CFAP299: variants seen among roughly 807,000 people sequenced by gnomAD.
The protein encoded by CFAP299 is cilia and flagella associated protein 299.
A neutral mutation model predicts 27.0 loss-of-function variants in CFAP299; 21 were observed. That is an observed-to-expected ratio of 0.78 (90% CI 0.55 to 1.12). CFAP299 has a LOEUF of 1.12. Among genes scored for constraint, CFAP299 ranks in the 50% most tolerant of loss-of-function variants. The pLI, the probability that CFAP299 is intolerant of heterozygous loss-of-function variation, is 0.00. For missense variants in CFAP299, 310 were observed against 276.6 expected, an observed-to-expected ratio of 1.12 and a Z score of -0.86; for synonymous variants, 104 against 98.1, an observed-to-expected ratio of 1.06 and a Z score of -0.36.
intron 2 of CFAP299, among the ~76,000 whole-genome samples, chr4:80,435,162 G>A (rs1728004576): frequency 6.6e-6 from 1 of 152,140 alleles, no homozygotes; most frequent in South Asian, 2.1e-4. Context: ...ATTATAATTG[G>A]TGGCTTCAAA....
chr4:80,876,654 A>T (rs1308429957), intron 4 of CFAP299, among the ~76,000 whole-genome samples: 2 of 152,222 alleles, frequency 1.3e-5, no homozygotes, highest in African/African-American at 4.8e-5. Context: ...CCAAAGTTAT[A>T]TACAGACACA....
At chr4:80,497,387 A>G (rs1731505264) in intron 2 of CFAP299, among the ~76,000 whole-genome samples, 1 of 152,212 alleles carries the variant, frequency 6.6e-6, no homozygotes, top group African/African-American at 2.4e-5. Context: ...TGATAAATGA[A>G]ACACTGCCAA....
intron 3 of CFAP299, among the ~76,000 whole-genome samples, chr4:80,749,957 T>C (rs1405779054): frequency 2.0e-5 from 3 of 152,216 alleles, no homozygotes; most frequent in East Asian, 3.9e-4. Context: ...CTTATCATAG[T>C]ACCTGATACT....
At position 80,460,252 on chromosome 4, in the gene CFAP299, G is replaced by A. The variant is rs553671102; in HGVS notation, c.242+97368G>A. Among the ~76,000 whole-genome samples the A allele has an allele frequency of 1.8e-4, 28 of 152,214 alleles. No individual in the cohort carries two copies. The South Asian group carries it at 5.0e-3, about 27-fold the overall frequency. On this transcript the variant is annotated intron_variant, in intron 2 of 5. Transcript: ENST00000358105. The stretch of plus-strand genomic sequence containing the variant: ...CTATATCTGGACACTGGAGTTTGGG[G>A]TAGGAGGGGTAGGGGGAGCCGGTGT...
At chr4:80,734,611 A>C (rs547387506) in intron 3 of CFAP299, among the ~76,000 whole-genome samples, 2 of 152,160 alleles carry the variant, frequency 1.3e-5, no homozygotes, top group Non-Finnish European at 2.9e-5. Flanking sequence ...CTTAGATTTA[A>C]GTCTTTAATC....
At chr4:80,748,356 A>T (rs936578857) in intron 3 of CFAP299, among the ~76,000 whole-genome samples, 1 of 152,084 alleles carries the variant, frequency 6.6e-6, no homozygotes, top group African/African-American at 2.4e-5. Flanking sequence ...CCTTGCTTAA[A>T]CCTTGAAATA....
chr4:80,531,346 G>A lies in CFAP299; in HGVS notation c.243-51747G>A, dbSNP rs181136379. Among the ~76,000 whole-genome samples the A allele has an allele frequency of 1.3e-4, 20 of 152,200 alleles. No individual in the cohort carries two copies. The East Asian group carries it at 3.5e-3, about 26-fold the overall frequency. ...AAATTTCTTTATACATTTTGTGTTA[G>A]TGTATAGTGCATAATTTTAAGTGTT... is the stretch of plus-strand genomic sequence containing the variant. On this transcript the variant is annotated intron_variant, in intron 2 of 5. Transcript: ENST00000358105.
intron 4 of CFAP299, among the ~76,000 whole-genome samples, chr4:80,896,646 A>G (rs1734623717): frequency 6.6e-6 from 1 of 152,174 alleles, no homozygotes; most frequent in South Asian, 2.1e-4. Flanking sequence ...AAATTGAATG[A>G]TAGTTTTTCT....
At chr4:80,633,027 A>T (rs954526399) in intron 3 of CFAP299, among the ~76,000 whole-genome samples, 1 of 152,222 alleles carries the variant, frequency 6.6e-6, no homozygotes, top group African/African-American at 2.4e-5. Flanking sequence ...CATATATTAA[A>T]CATGTTTATT....
At chr4:80,882,877 C>T (rs915274976) in intron 4 of CFAP299, among the ~76,000 whole-genome samples, 8 of 152,046 alleles carry the variant, frequency 5.3e-5, no homozygotes, top group Non-Finnish European at 2.9e-5. Context: ...TGAGAGAGCT[C>T]ATTACAAGAC....
At chr4:80,400,422 G>A (rs1360306415) in intron 2 of CFAP299, among the ~76,000 whole-genome samples, 1 of 152,144 alleles carries the variant, frequency 6.6e-6, no homozygotes, top group Non-Finnish European at 1.5e-5. Context: ...CGTGTTGTGG[G>A]AGGGACCCAA....
intron 2 of CFAP299, among the ~76,000 whole-genome samples, chr4:80,530,028 C>T (rs1291320009): frequency 6.6e-6 from 1 of 152,052 alleles, no homozygotes; most frequent in Admixed American, 6.6e-5. Flanking sequence ...TAAATTAACA[C>T]ATTGAATTAT....
chr4:80,638,234 C>T (rs1739553953), intron 3 of CFAP299, among the ~76,000 whole-genome samples: 1 of 152,154 alleles, frequency 6.6e-6, no homozygotes, highest in Non-Finnish European at 1.5e-5. Context: ...CCTGATCCCC[C>T]TACTTGGAGA....
At chr4:80,859,369 G>T (rs1476157758) in intron 3 of CFAP299, among the ~76,000 whole-genome samples, 3 of 152,078 alleles carry the variant, frequency 2.0e-5, no homozygotes, top group African/African-American at 7.2e-5. Flanking sequence ...TATCCAATTT[G>T]CCAGTCTGTG....
At chr4:80,690,125 G>A (rs1240832604) in intron 3 of CFAP299, among the ~76,000 whole-genome samples, 2 of 146,936 alleles carry the variant, frequency 1.4e-5, no homozygotes, top group Non-Finnish European at 2.9e-5. Flanking sequence ...TCAACATTAG[G>A]CAGATCAACG....
intron 2 of CFAP299, among the ~76,000 whole-genome samples, chr4:80,383,097 G>T (rs1578378718): frequency 6.6e-6 from 1 of 152,068 alleles, no homozygotes; most frequent in African/African-American, 2.4e-5. Flanking sequence ...ACCAAGTATT[G>T]TATGTTCTCA....
Position 80,518,295 on chromosome 4 carries a change from G to A in CFAP299, c.243-64798G>A, listed in dbSNP as rs1732686989. The stretch of plus-strand genomic sequence containing the variant: ...ATAAACAACAAAGAGGGATAGAGTG[G>A]ATAGCCAGAGCACTACATAAGCCAT... On this transcript the variant is annotated intron_variant, in intron 2 of 5. Coordinates refer to ENST00000358105, the MANE Select transcript of CFAP299 (RefSeq NM_152770.3). 2.0e-5 allele frequency among the ~76,000 whole-genome samples: 3 copies of A among 152,080 alleles called. No individual in the cohort carries two copies. In the South Asian group the frequency reaches 6.2e-4, roughly 32 times the overall value.
At chr4:80,350,425 C>T (rs1722959114) in intron 1 of CFAP299, among the ~76,000 whole-genome samples, 1 of 152,132 alleles carries the variant, frequency 6.6e-6, no homozygotes, top group Non-Finnish European at 1.5e-5. Flanking sequence ...CCAGCAATCC[C>T]ATTACTGGGT....
chr4:80,400,369 C>T (rs991581551), intron 2 of CFAP299, among the ~76,000 whole-genome samples: 8 of 151,968 alleles, frequency 5.3e-5, no homozygotes, highest in Non-Finnish European at 1.0e-4. Flanking sequence ...TGGTTGTGCC[C>T]CCACCCAAAT....
Sources: gnomAD v4.1 joint callset for allele counts (sites outside exome capture counted in the v4.1 genomes callset) on GRCh38, gnomAD v4.1.1 for gene constraint, MANE v1.5 for transcripts, NCBI Gene and HGNC (gene_info 2026-07-23, HGNC 2026-07-21) for gene names.